Variants in PSD4 observed in about 807,000 individuals in gnomAD.
PSD4 encodes the protein pleckstrin and Sec7 domain containing 4.
A neutral mutation model predicts 112.5 loss-of-function variants in PSD4; 59 were observed. That is an observed-to-expected ratio of 0.52 (90% CI 0.43 to 0.65). The LOEUF is 0.65. Ranked by LOEUF, PSD4 falls within the 30% of genes least tolerant of loss-of-function variation. The probability of loss-of-function intolerance (pLI) is 0.00; values close to 1 mark genes in which losing one functional copy is unlikely to be tolerated. For synonymous variants in PSD4, 533 were observed against 540.0 expected, an observed-to-expected ratio of 0.99 and a Z score of 0.18; for missense variants, 1,267 against 1,352.6, an observed-to-expected ratio of 0.94 and a Z score of 0.99.
At chr2:113,175,397 GCT>G (rs1687948467) in intron 1 of PSD4, 2 of 151,644 alleles carry the variant, frequency 1.3e-5, no homozygotes, top group Admixed American at 1.3e-4. Context: ...TTGCATGATG[GCT>G]CTTTCTGTGT....
rs1465880522 is a variant in PSD4 at position 113,206,267 on chromosome 2, CT to C, written c.*4853del. ...TCACGGTATGTGTGGGCTTTGCCAA[CT>C]GTTCCCAGCCCTTACCAGGTTCCCA... is the stretch of plus-strand genomic sequence containing the variant. On this transcript the variant is annotated 3_prime_UTR_variant, in exon 17 of 17. Transcript: ENST00000245796. 6.6e-6 allele frequency: 1 copy of C among 152,410 alleles called. No individual in the cohort carries two copies. The highest frequency in any genetic ancestry group is 2.1e-4 in the South Asian group (1 of 4,836). 9.4% of individuals were successfully genotyped at this position (152,410 alleles called of 1,614,324 possible). A position where few individuals can be genotyped will look rare whatever the true frequency, so the allele number is the denominator to read the frequency against.
In PSD4 at chr2:113,183,016, G is replaced by A. The variant is rs1006612684; in HGVS notation, c.560G>A (p.Cys187Tyr). ...TEGLKAGLKC[C>Y]LPTPPVDLPG... is the part of the protein sequence containing the mutation. ...GGGCTCAAGGCTGGGCTGAAATGCT[G>A]TCTCCCCACGCCCCCTGTGGACCTC... Residue 187 changes from cysteine (C) to tyrosine (Y), a missense_variant, in exon 2 of 17, where the codon TGT becomes TAT. Physicochemically the swap from Cys to Tyr is radical, Grantham distance 194. This residue lies in a region of PSD4 where 723 missense variants were observed against 704.0 expected (regional missense o/e 1.03). Coordinates refer to ENST00000245796, the MANE Select transcript of PSD4 (RefSeq NM_012455.3). 1 of 1,614,062 alleles carries A rather than the reference G, an allele frequency of 6.2e-7. No homozygotes were observed. The highest frequency in any genetic ancestry group is 2.2e-5 in the East Asian group (1 of 44,880).
At position 113,201,614 on chromosome 2, in the gene PSD4, A is replaced by C. The variant is rs1573382723; in HGVS notation, c.*199A>C. On this transcript the variant is annotated 3_prime_UTR_variant, in exon 17 of 17. Coordinates refer to ENST00000245796, the MANE Select transcript of PSD4 (RefSeq NM_012455.3). ...TCCTAATATTGCTGTGCTCCCCACC[A>C]CCCCCATGGCAGTCCCTCCGCAGCC... 1 of 735,994 alleles carries C rather than the reference A, an allele frequency of 1.4e-6. No individual in the cohort carries two copies. The highest frequency in any genetic ancestry group is 2.1e-6 in the Non-Finnish European group (1 of 466,686). The allele number at this position is 735,994 out of a possible 1,614,324, so 45.6% of individuals were successfully genotyped here.
chr2:113,183,868 A>C (rs182839113), intron 2 of PSD4, among the ~76,000 whole-genome samples: 142 of 152,252 alleles, frequency 9.3e-4, no homozygotes, highest in African/African-American at 3.3e-3. Flanking sequence ...TCCCATCTCC[A>C]AGACATTCCC....
chr2:113,193,084 G>C lies in PSD4; in HGVS notation c.1875G>C (p.Leu625=), dbSNP rs778742967. The change falls in exon 7 of 17, where the codon CTG becomes CTC. Residue 625 remains leucine (L), a synonymous_variant. Coordinates refer to ENST00000245796, the MANE Select transcript of PSD4 (RefSeq NM_012455.3). Reference sequence around the variant, plus strand: ...GCAGGGCTGTGGCTGAGGAGTACCTGTCCTTCTTCCAGTTTGGAGGCCAGA... The same window carrying C: ...GCAGGGCTGTGGCTGAGGAGTACCTCTCCTTCTTCCAGTTTGGAGGCCAGA... ...DFSRAVAEEY[L]SFFQFGGQSL... is the part of the protein sequence containing the mutation. 6.2e-7 allele frequency: 1 copy of C among 1,614,188 alleles called. No homozygotes were observed. The highest frequency in any genetic ancestry group is 8.5e-7 in the Non-Finnish European group (1 of 1,180,008).
intron 5 of PSD4, among the ~76,000 whole-genome samples, chr2:113,192,058 G>A (rs1688456239): frequency 6.6e-6 from 1 of 151,846 alleles, no homozygotes; most frequent in African/African-American, 2.4e-5. Flanking sequence ...CACGTGCCTT[G>A]CATTGGAGAA....
intron 5 of PSD4, among the ~76,000 whole-genome samples, chr2:113,191,084 G>A (rs1382520118): frequency 2.0e-5 from 3 of 152,110 alleles, no homozygotes; most frequent in African/African-American, 7.2e-5. Flanking sequence ...CTCTCCACGG[G>A]GCAGCCTAGT....
intron 10 of PSD4, among the ~76,000 whole-genome samples, chr2:113,194,453 C>T (rs1263418832): frequency 6.6e-6 from 1 of 152,248 alleles, no homozygotes; most frequent in Non-Finnish European, 1.5e-5. Context: ...TGGCACATAG[C>T]ATGTGTGTCA....
At position 113,182,534 on chromosome 2, in the gene PSD4, G is replaced by C. The variant is rs776157593; in HGVS notation, c.78G>C (p.Glu26Asp). 1 of 1,614,186 alleles carries C rather than the reference G, an allele frequency of 6.2e-7. No homozygotes were observed. The highest frequency in any genetic ancestry group is 8.5e-7 in the Non-Finnish European group (1 of 1,180,026). The change falls in exon 2 of 17, where the codon GAG becomes GAC. Residue 26 changes from glutamate to aspartate, a missense_variant. Glu to Asp is a conservative substitution (Grantham distance 45, BLOSUM62 2). Transcript: ENST00000245796. ...ACCTGTACTTGGGAGACAGCCTGGA[G>C]CCCCACCCAGGAGAGTGCCCAAGGG... is the stretch of plus-strand genomic sequence containing the variant. ...ILNLYLGDSL[E>D]PHPGECPRET... is the part of the protein sequence containing the mutation.
intron 12 of PSD4, chr2:113,197,261 TG>T: frequency 2.4e-6 from 1 of 425,052 alleles, no homozygotes; most frequent in Admixed American, 3.6e-5. Flanking sequence ...TGCCACTACT[TG>T]GGGTAGTGGG....
At chr2:113,199,567 G>A (rs142324924) in intron 16 of PSD4, among the ~76,000 whole-genome samples, 1 of 151,844 alleles carries the variant, frequency 6.6e-6, no homozygotes, top group African/African-American at 2.4e-5. Context: ...TTCCCAAGTT[G>A]AAGGGAAAAC....
intron 12 of PSD4, 89 bp from the exon 13 acceptor site, chr2:113,197,475 C>A: frequency 7.2e-7 from 1 of 1,383,650 alleles, no homozygotes; most frequent in Non-Finnish European, 1.0e-6. Context: ...GTGTGAGGGA[C>A]AGGGGGCATA....
In PSD4 at chr2:113,203,538, T is replaced by G. The variant is rs987914730; in HGVS notation, c.*2123T>G. The G allele has an allele frequency of 2.1e-5, 3 of 146,260 alleles. No individual in the cohort carries two copies. The East Asian group carries it at 6.2e-4, about 30-fold the overall frequency. The allele number at this position is 146,260 out of a possible 1,614,324, so 9.1% of individuals were successfully genotyped here. The stretch of plus-strand genomic sequence containing the variant: ...AGTGGAGTAGGTTATTTGACCTCAC[T>G]GAACATGCATCCTTTTTTTTTTTTT... On this transcript the variant is annotated 3_prime_UTR_variant, in exon 17 of 17. Transcript: ENST00000245796.
chr2:113,193,933 C>T lies in PSD4; in HGVS notation c.2166C>T (p.Pro722=). 1 of 1,614,086 alleles carries T rather than the reference C, an allele frequency of 6.2e-7. No homozygotes were observed. The highest frequency in any genetic ancestry group is 8.5e-7 in the Non-Finnish European group (1 of 1,179,982). The change falls in exon 10 of 17, where the codon CCC becomes CCT. Residue 722 remains proline (P), a synonymous_variant. Coordinates refer to ENST00000245796, the MANE Select transcript of PSD4 (RefSeq NM_012455.3). The stretch of plus-strand genomic sequence containing the variant: ...GGCTGAGGGATGGCGGGAACTTCCC[C>T]AAGGAGCTGCTGAAGGTATGTGCCA... The part of the protein sequence containing the change: ...LNGLRDGGNF[P]KELLKALYWS...
At chr2:113,198,516 C>T in intron 14 of PSD4, 1 of 454,446 alleles carries the variant, frequency 2.2e-6, no homozygotes, top group Non-Finnish European at 3.8e-6. Context: ...AGGTGATCCG[C>T]CTGCCAAGGC....
chr2:113,205,252 G>A lies in PSD4; in HGVS notation c.*3837G>A, dbSNP rs1480393678. On this transcript the variant is annotated 3_prime_UTR_variant, in exon 17 of 17. Transcript: ENST00000245796. ...CAAAGCATTGGGATCACAGGCGTGA[G>A]CCAACGTGCCTGGCCAGTGCAGTGC... is the stretch of plus-strand genomic sequence containing the variant. 6.6e-6 allele frequency: 1 copy of A among 152,250 alleles called. No individual in the cohort carries two copies. The highest frequency in any genetic ancestry group is 2.4e-5 in the African/African-American group (1 of 41,446). The allele number at this position is 152,250 out of a possible 1,614,324, so 9.4% of individuals were successfully genotyped here. A position where few individuals can be genotyped will look rare whatever the true frequency, so the allele number is the denominator to read the frequency against.
Position 113,204,389 on chromosome 2 carries a change from G to C in PSD4, c.*2974G>C, listed in dbSNP as rs201192146. 1 of 152,312 alleles carries C rather than the reference G, an allele frequency of 6.6e-6. No individual in the cohort carries two copies. The highest frequency in any genetic ancestry group is 1.9e-4 in the East Asian group (1 of 5,200). 9.4% of individuals were successfully genotyped at this position (152,312 alleles called of 1,614,324 possible). A position where few individuals can be genotyped will look rare whatever the true frequency, so the allele number is the denominator to read the frequency against. On this transcript the variant is annotated 3_prime_UTR_variant, in exon 17 of 17. Coordinates refer to ENST00000245796, the MANE Select transcript of PSD4 (RefSeq NM_012455.3). The stretch of plus-strand genomic sequence containing the variant: ...TCCCCACAGGGTTGCTCCAGGTAAC[G>C]CTGGAAGGTGAAAGCTGAGCAGGCT...
intron 16 of PSD4, among the ~76,000 whole-genome samples, chr2:113,199,793 A>G (rs1490002095): frequency 1.3e-5 from 2 of 152,142 alleles, no homozygotes; most frequent in Admixed American, 6.5e-5. Context: ...TGCCCCGTTT[A>G]TGGTCTTAAC....
chr2:113,193,189 G>T (rs1688505034), intron 7 of PSD4, 61 bp downstream of exon 7: 1 of 1,601,942 alleles, frequency 6.2e-7, no homozygotes, highest in East Asian at 2.2e-5. Flanking sequence ...AGTGGCACCA[G>T]CCTGAGGCTG....
Sources: allele counts gnomAD v4.1 joint callset (sites outside exome capture counted in the v4.1 genomes callset), GRCh38; gene constraint gnomAD v4.1.1; regional missense constraint gnomAD v4.1.1; transcripts MANE v1.5; gene names NCBI Gene and HGNC (gene_info 2026-07-23, HGNC 2026-07-21).